Variants in GULP1 observed in about 807,000 individuals in gnomAD.
GULP1 encodes GULP PTB domain containing engulfment adaptor 1, also known as PTB domain-containing engulfment adapter protein 1.
In GULP1, 19 loss-of-function variants were observed where a neutral mutation model predicts 40.9. That is an observed-to-expected ratio of 0.46 (90% CI 0.32 to 0.68). The LOEUF is 0.68. GULP1 is among the 30% of genes least tolerant of loss of function. GULP1 has a pLI of 0.03. For synonymous variants in GULP1, 119 were observed against 117.6 expected (o/e 1.01, Z -0.08); for missense variants, 312 against 362.2 (o/e 0.86, Z 1.12).
chr2:188,411,334 G>A (rs1414087294), intron 2 of GULP1, among the ~76,000 whole-genome samples: 2 of 152,216 alleles, frequency 1.3e-5, no homozygotes, highest in Non-Finnish European at 2.9e-5. Context: ...CCATATCGAA[G>A]GCTTAGTGTT....
chr2:188,498,334 G>T (rs554038519), intron 4 of GULP1, among the ~76,000 whole-genome samples: 2 of 151,736 alleles, frequency 1.3e-5, no homozygotes, highest in East Asian at 3.9e-4. Context: ...TGAGGTACTG[G>T]GTCAGAGATA....
chr2:188,304,387 A>C (rs2036682222), intron 1 of GULP1, among the ~76,000 whole-genome samples: 1 of 152,200 alleles, frequency 6.6e-6, no homozygotes, highest in Admixed American at 6.5e-5. Context: ...CCAGAGAGTA[A>C]AGATACAAAG....
At chr2:188,295,909 C>T (rs72905569) in intron 1 of GULP1, among the ~76,000 whole-genome samples, 1,743 of 152,032 alleles carry the variant, frequency 0.011, 14 homozygotes, top group Non-Finnish European at 0.02. Flanking sequence ...ATTCTTATTT[C>T]CATTGATGAA....
At chr2:188,339,766 A>G (rs1227980197) in intron 1 of GULP1, among the ~76,000 whole-genome samples, 2 of 152,212 alleles carry the variant, frequency 1.3e-5, no homozygotes, top group African/African-American at 4.8e-5. Flanking sequence ...TTTCTACATA[A>G]TAAAAGCTTA....
At chr2:188,367,762 G>A (rs994311161) in intron 1 of GULP1, among the ~76,000 whole-genome samples, 59 of 152,114 alleles carry the variant, frequency 3.9e-4, no homozygotes, top group Non-Finnish European at 2.9e-5. Flanking sequence ...AGGAGGCTGC[G>A]ACTCTGGACC....
chr2:188,561,252 G>C (rs1463756784), intron 7 of GULP1, among the ~76,000 whole-genome samples: 1 of 152,178 alleles, frequency 6.6e-6, no homozygotes, highest in Non-Finnish European at 1.5e-5. Flanking sequence ...CCAATTCTTG[G>C]GCTTCTAGTT....
At chr2:188,584,716 A>G (rs942971264) in intron 10 of GULP1, among the ~76,000 whole-genome samples, 2 of 151,942 alleles carry the variant, frequency 1.3e-5, no homozygotes, top group South Asian at 4.1e-4. Context: ...TAACTTTTAA[A>G]AATAACTGGT....
chr2:188,461,743 G>C (rs199756664), intron 2 of GULP1, among the ~76,000 whole-genome samples: 1 of 152,122 alleles, frequency 6.6e-6, no homozygotes, highest in Non-Finnish European at 1.5e-5. Flanking sequence ...GTAGCTCATA[G>C]TAGCCACTAA....
At chr2:188,551,452 TTAAGA>T (rs1559370078) in intron 7 of GULP1, among the ~76,000 whole-genome samples, 1 of 151,784 alleles carries the variant, frequency 6.6e-6, no homozygotes, top group African/African-American at 2.4e-5. Flanking sequence ...TTTATTTCAC[TTAAGA>T]TAATGACCTC....
intron 2 of GULP1, among the ~76,000 whole-genome samples, chr2:188,385,741 A>C (rs958801946): frequency 1.3e-5 from 2 of 152,156 alleles, no homozygotes; most frequent in Non-Finnish European, 2.9e-5. Context: ...TCAAGTTCAA[A>C]GTTCCACAAA....
At position 188,352,618 on chromosome 2, in the gene GULP1, T is replaced by TCACACACACACACACACACACACACACA. The variant is rs66499080; in HGVS notation, c.-171-31141_-171-31114dup. ...TGCTCTCTTTCTCTCTCTCTCTCTC[T>TCACACACACACACACACACACACACACA]CACACACACACACACACACACACAC... On this transcript the variant is annotated intron_variant, in intron 1 of 11. Transcript: ENST00000409830. Among the ~76,000 whole-genome samples the TCACACACACACACACACACACACACACA allele has an allele frequency of 2.6e-4, 35 of 134,500 alleles. 1 individual carries two copies. The highest frequency in any genetic ancestry group is 2.6e-3 in the East Asian group (11 of 4,300). The allele number at this position is 134,500 out of a possible 152,430, so 88.2% of individuals were successfully genotyped here.
At chr2:188,310,697 T>G (rs1201995853) in intron 1 of GULP1, among the ~76,000 whole-genome samples, 1 of 152,138 alleles carries the variant, frequency 6.6e-6, no homozygotes, top group African/African-American at 2.4e-5. Flanking sequence ...GTCCTCAGCC[T>G]GGAGATGACT....
chr2:188,314,963 A>G (rs963609651), intron 1 of GULP1, among the ~76,000 whole-genome samples: 2 of 152,126 alleles, frequency 1.3e-5, no homozygotes, highest in African/African-American at 4.8e-5. Flanking sequence ...AGTGCTTGTG[A>G]TCAGGTAACC....
At chr2:188,347,705 C>T (rs894089622) in intron 1 of GULP1, among the ~76,000 whole-genome samples, 2 of 151,104 alleles carry the variant, frequency 1.3e-5, no homozygotes, top group East Asian at 2.0e-4. Context: ...CCTTAACTTC[C>T]CAGGCTCAAG....
At chr2:188,590,472 G>C (rs1480294657) in intron 11 of GULP1, 17 of 152,130 alleles carry the variant, frequency 1.1e-4, no homozygotes, top group Admixed American at 1.1e-3. Context: ...ACCATATTGA[G>C]TTAATAAGCC....
In GULP1 at chr2:188,569,225, T is replaced by C. The variant is rs773138933; in HGVS notation, c.400-14T>C. On this transcript the variant is annotated splice_polypyrimidine_tract_variant and intron_variant, in intron 7 of 11. Transcript: ENST00000409830. ...TATTATTAAAATGCAAATCTTTGTT[T>C]GATTTTTACACAGGCTGAAGAGATC... 1.1e-5 allele frequency: 15 copies of C among 1,315,450 alleles called. 1 individual carries two copies. The Admixed American group carries it at 2.1e-4, about 18-fold the overall frequency. The allele number at this position is 1,315,450 out of a possible 1,614,324, so 81.5% of individuals were successfully genotyped here. A position where few individuals can be genotyped will look rare whatever the true frequency, so the allele number is the denominator to read the frequency against.
intron 1 of GULP1, among the ~76,000 whole-genome samples, chr2:188,360,327 G>A (rs567784612): frequency 6.6e-6 from 1 of 152,148 alleles, no homozygotes; most frequent in East Asian, 1.9e-4. Context: ...GCTACCTACT[G>A]TAGCTTTCAA....
At chr2:188,393,912 C>T (rs1198683647) in intron 2 of GULP1, among the ~76,000 whole-genome samples, 1 of 152,132 alleles carries the variant, frequency 6.6e-6, no homozygotes, top group African/African-American at 2.4e-5. Flanking sequence ...ACAGGCTTTC[C>T]TTTATAAGTT....
At chr2:188,433,869 C>T (rs926215554) in intron 2 of GULP1, among the ~76,000 whole-genome samples, 2 of 151,950 alleles carry the variant, frequency 1.3e-5, no homozygotes, top group African/African-American at 4.8e-5. Context: ...CATTTTTCCA[C>T]AGTTCAATTT....
Sources: allele counts gnomAD v4.1 joint callset (sites outside exome capture counted in the v4.1 genomes callset), GRCh38; gene constraint gnomAD v4.1.1; transcripts MANE v1.5; gene names NCBI Gene and HGNC (gene_info 2026-07-23, HGNC 2026-07-21).